Variants in RXFP4 observed in about 807,000 individuals in gnomAD.
RXFP4 encodes the protein relaxin family peptide/INSL5 receptor 4, also known as relaxin-3 receptor 2.
For synonymous variants in RXFP4, 182 were observed against 218.0 expected (o/e 0.83, Z 1.45); for missense variants, 425 against 491.3 (o/e 0.87, Z 1.28).
Position 155,941,933 on chromosome 1 carries a change from C to T in RXFP4, c.224C>T (p.Pro75Leu), listed in dbSNP as rs1305105604. 6.2e-7 allele frequency: 1 copy of T among 1,614,228 alleles called. No homozygotes were observed. Among genetic ancestry groups the T allele is most frequent in the Non-Finnish European group, 8.5e-7 (1 of 1,180,046 alleles). The change falls in exon 1 of 1, where the codon CCT (proline) becomes CTT (leucine). Residue 75 changes from proline to leucine, a missense_variant. By Grantham distance (98) the Pro-to-Leu change is moderately conservative (BLOSUM62 -3). Coordinates refer to ENST00000368318, the MANE Select transcript of RXFP4 (RefSeq NM_181885.3). ...SNCARRAPGP[P>L]SDTFVFNLAL... ...TGTGCCCGGAGAGCCCCTGGCCCAC[C>T]TTCAGACACCTTCGTCTTCAACCTG...
chr1:155,942,766 G>A lies in RXFP4; in HGVS notation c.1057G>A (p.Ala353Thr), dbSNP rs761985012. 1.3e-5 allele frequency: 20 copies of A among 1,579,800 alleles called. No homozygotes were observed. The highest frequency in any genetic ancestry group is 1.7e-4 in the Middle Eastern group (1 of 5,964). The change falls in exon 1 of 1, where the codon GCA (alanine) becomes ACA (threonine). Residue 353 changes from alanine to threonine, a missense_variant. By Grantham distance (58) the Ala-to-Thr change is moderately conservative. Coordinates refer to ENST00000368318, the MANE Select transcript of RXFP4 (RefSeq NM_181885.3). This position sits in a 1 kb window ranked among gnomAD's most constrained non-coding sequence, Gnocchi z 5.2. ...ALKQVGRRWVASNPRESRPST... is the reference protein window; with the variant it reads ...ALKQVGRRWVTSNPRESRPST... ...AAAGCAGGTAGGCAGGCGGTGGGTC[G>A]CAAGCAACCCCCGGGAGAGCCGCCC...
At position 155,942,788 on chromosome 1, in the gene RXFP4, G is replaced by GC; in HGVS notation, c.1082dup (p.Ser362PhefsTer19). The stretch of plus-strand genomic sequence containing the variant: ...GTCGCAAGCAACCCCCGGGAGAGCC[G>GC]CCCTTCTACCCTGCTCACCAACCTG... On this transcript the variant is annotated frameshift_variant, in exon 1 of 1. Coordinates refer to ENST00000368318, the MANE Select transcript of RXFP4 (RefSeq NM_181885.3). LOFTEE classifies it low-confidence loss of function (END_TRUNC). The surrounding 1 kb of genome is among the most constrained non-coding windows in gnomAD (Gnocchi z 5.2). The GC allele has an allele frequency of 6.4e-7, 1 of 1,558,896 alleles. No individual in the cohort carries two copies. Among genetic ancestry groups the GC allele is most frequent in the Non-Finnish European group, 8.6e-7 (1 of 1,157,970 alleles).
In RXFP4 at chr1:155,942,670, G is replaced by A; in HGVS notation, c.961G>A (p.Ala321Thr). ...GAGGCGGGAGCCCCGGCAGGCTCTG[G>A]CAGGCACCTTCAGGGATCTGCGGTT... Reference protein sequence around the residue: ...LLRREPRQALAGTFRDLRLRL... With the variant: ...LLRREPRQALTGTFRDLRLRL... The change falls in exon 1 of 1, where the codon GCA (alanine) becomes ACA (threonine). Residue 321 changes from alanine to threonine, a missense_variant. Physicochemically the swap from Ala to Thr is moderately conservative, Grantham distance 58. Transcript: ENST00000368318. This position sits in a 1 kb window ranked among gnomAD's most constrained non-coding sequence, Gnocchi z 5.2. 6.2e-7 allele frequency: 1 copy of A among 1,613,574 alleles called. No individual in the cohort carries two copies. Among genetic ancestry groups the A allele is most frequent in the Non-Finnish European group, 8.5e-7 (1 of 1,179,932 alleles).
Position 155,942,429 on chromosome 1 carries a change from C to T in RXFP4, c.720C>T (p.Asp240=), listed in dbSNP as rs1279643036. 1.3e-6 allele frequency: 2 copies of T among 1,565,636 alleles called. No homozygotes were observed. Among genetic ancestry groups the T allele is most frequent in the African/African-American group, 2.7e-5 (2 of 73,966 alleles). Residue 240 remains aspartate (D), a synonymous_variant, in exon 1 of 1, where the codon GAC becomes GAT. Coordinates refer to ENST00000368318, the MANE Select transcript of RXFP4 (RefSeq NM_181885.3). This position sits in a 1 kb window ranked among gnomAD's most constrained non-coding sequence, Gnocchi z 5.2. ...FLQRRQRRRQ[D]SRVVARSVRI... ...AGCGGCGGCAACGGCGGCGGCAGGA[C>T]AGCAGGGTCGTGGCCCGCTCTGTCC...
Position 155,941,899 on chromosome 1 carries a change from CTGAG to C in RXFP4, c.192_195del (p.Ser65ThrfsTer53), listed in dbSNP as rs1674317823. 2.5e-6 allele frequency: 4 copies of C among 1,614,204 alleles called. No individual in the cohort carries two copies. Among genetic ancestry groups the C allele is most frequent in the Non-Finnish European group, 2.5e-6 (3 of 1,180,038 alleles). On this transcript the variant is annotated frameshift_variant, in exon 1 of 1. Transcript: ENST00000368318. LOFTEE classifies it low-confidence loss of function (END_TRUNC). ...GGGAAATTTGGCGGTGCTGTGGGTA[CTGAG>C]TAACTGTGCCCGGAGAGCCCCTGGC...
At position 155,941,949 on chromosome 1, in the gene RXFP4, C is replaced by T. The variant is rs753077853; in HGVS notation, c.240C>T (p.Val80=). Reference sequence around the variant, plus strand: ...CTGGCCCACCTTCAGACACCTTCGTCTTCAACCTGGCTCTGGCGGACCTGG... The same window carrying T: ...CTGGCCCACCTTCAGACACCTTCGTTTTCAACCTGGCTCTGGCGGACCTGG... The part of the protein sequence containing the change: ...RAPGPPSDTF[V]FNLALADLGL... Residue 80 remains valine (V), a synonymous_variant, in exon 1 of 1, where the codon GTC becomes GTT. Coordinates refer to ENST00000368318, the MANE Select transcript of RXFP4 (RefSeq NM_181885.3). 7.4e-6 allele frequency: 12 copies of T among 1,614,120 alleles called. No individual in the cohort carries two copies. The highest frequency in any genetic ancestry group is 1.0e-5 in the Non-Finnish European group (12 of 1,180,060).
Position 155,942,252 on chromosome 1 carries a change from G to A in RXFP4, c.543G>A (p.Val181=), listed in dbSNP as rs766880260. The part of the protein sequence containing the change: ...LVTVPTAVFG[V]EGEVCGVRLC... ...CGGTGCCCACAGCTGTCTTCGGGGT[G>A]GAGGGTGAGGTGTGTGGTGTGCGCC... The change falls in exon 1 of 1, where the codon GTG becomes GTA. Residue 181 remains valine (V), a synonymous_variant. Coordinates refer to ENST00000368318, the MANE Select transcript of RXFP4 (RefSeq NM_181885.3). The surrounding 1 kb of genome is among the most constrained non-coding windows in gnomAD (Gnocchi z 5.2). 7 of 1,613,308 alleles carry A rather than the reference G, an allele frequency of 4.3e-6. No homozygotes were observed. Among genetic ancestry groups the A allele is most frequent in the Non-Finnish European group, 5.9e-6 (7 of 1,179,786 alleles).
rs202144379 is a variant in RXFP4, at chr1:155,941,831, T to C, written c.122T>C (p.Met41Thr). ...MPVKFLALRLMVALAYGLVGA... is the reference protein window; with the variant it reads ...MPVKFLALRLTVALAYGLVGA... ...GTCAAATTCCTAGCCCTGAGGCTCA[T>C]GGTTGCCCTGGCCTATGGGCTTGTG... is the stretch of plus-strand genomic sequence containing the variant. The change falls in exon 1 of 1, where the codon ATG (methionine) becomes ACG (threonine). Residue 41 changes from methionine (M) to threonine (T), a missense_variant. By Grantham distance (81) the Met-to-Thr change is moderately conservative. Transcript: ENST00000368318. 221 of 1,614,248 alleles carry C rather than the reference T, an allele frequency of 1.4e-4. 2 individuals are homozygous for C. In the East Asian group the frequency reaches 4.6e-3, roughly 34 times the overall value.
chr1:155,942,762 G>A lies in RXFP4; in HGVS notation c.1053G>A (p.Trp351Ter). 1 of 1,583,410 alleles carries A rather than the reference G, an allele frequency of 6.3e-7. No homozygotes were observed. The highest frequency in any genetic ancestry group is 8.5e-7 in the Non-Finnish European group (1 of 1,169,706). ...CCCTAAAGCAGGTAGGCAGGCGGTG[G>A]GTCGCAAGCAACCCCCGGGAGAGCC... ...QVALKQVGRR[W>*]VASNPRESRP... is the part of the protein sequence containing the mutation. Residue 351 changes from tryptophan (W) to a stop codon, truncating the protein, a stop_gained, in exon 1 of 1, where the codon TGG becomes TGA. Transcript: ENST00000368318. LOFTEE classifies it low-confidence loss of function (END_TRUNC). The surrounding 1 kb of genome is among the most constrained non-coding windows in gnomAD (Gnocchi z 5.2).
At position 155,942,693 on chromosome 1, in the gene RXFP4, G is replaced by A; in HGVS notation, c.984G>A (p.Arg328=). The A allele has an allele frequency of 1.2e-6, 2 of 1,612,340 alleles. No individual in the cohort carries two copies. Among genetic ancestry groups the A allele is most frequent in the Non-Finnish European group, 1.7e-6 (2 of 1,179,864 alleles). The change falls in exon 1 of 1, where the codon CGG becomes CGA. Residue 328 remains arginine, a synonymous_variant. Coordinates refer to ENST00000368318, the MANE Select transcript of RXFP4 (RefSeq NM_181885.3). This position sits in a 1 kb window ranked among gnomAD's most constrained non-coding sequence, Gnocchi z 5.2. ...TGGCAGGCACCTTCAGGGATCTGCG[G>A]TTGAGGCTGTGGCCCCAGGGCGGAG... is the stretch of plus-strand genomic sequence containing the variant. ...QALAGTFRDL[R]LRLWPQGGGW... is the part of the protein sequence containing the mutation.
At position 155,942,197 on chromosome 1, in the gene RXFP4, T is replaced by C; in HGVS notation, c.488T>C (p.Leu163Pro). ...CTCTTCTGGGCCCGAATAGCCACCC[T>C]GGCAGTGTGGGCGGCGGCTGCCCTG... Reference protein sequence around the residue: ...LSLFWARIATLAVWAAAALVT... With the variant: ...LSLFWARIATPAVWAAAALVT... The change falls in exon 1 of 1, where the codon CTG becomes CCG. Residue 163 changes from leucine to proline, a missense_variant. Physicochemically the swap from Leu to Pro is moderately conservative, Grantham distance 98. Transcript: ENST00000368318. The surrounding 1 kb of genome is among the most constrained non-coding windows in gnomAD (Gnocchi z 5.2). 6.2e-7 allele frequency: 1 copy of C among 1,614,000 alleles called. No individual in the cohort carries two copies. The highest frequency in any genetic ancestry group is 8.5e-7 in the Non-Finnish European group (1 of 1,180,022).
Position 155,942,840 on chromosome 1 carries a change from G to T in RXFP4, c.*6G>T. 6.7e-7 allele frequency: 1 copy of T among 1,503,186 alleles called. No homozygotes were observed. The highest frequency in any genetic ancestry group is 8.8e-7 in the Non-Finnish European group (1 of 1,132,750). 93.1% of individuals were successfully genotyped at this position (1,503,186 alleles called of 1,614,324 possible). A position where few individuals can be genotyped will look rare whatever the true frequency, so the allele number is the denominator to read the frequency against. ...ACAGAGGGACACCCGGGTGAAGGGC[G>T]CAAGCTGAACACACTCCTCTTTCTG... is the stretch of plus-strand genomic sequence containing the variant. On this transcript the variant is annotated 3_prime_UTR_variant, in exon 1 of 1. Transcript: ENST00000368318. This position sits in a 1 kb window ranked among gnomAD's most constrained non-coding sequence, Gnocchi z 5.2.
Position 155,942,814 on chromosome 1 carries a change from G to A in RXFP4, c.1105G>A (p.Asp369Asn). Residue 369 changes from aspartate (D) to asparagine (N), a missense_variant, in exon 1 of 1, where the codon GAC becomes AAC. By Grantham distance (23) the Asp-to-Asn change is conservative. Transcript: ENST00000368318. This position sits in a 1 kb window ranked among gnomAD's most constrained non-coding sequence, Gnocchi z 5.2. ...CCCTTCTACCCTGCTCACCAACCTG[G>A]ACAGAGGGACACCCGGGTGAAGGGC... ...SRPSTLLTNL[D>N]RGTPG 6.6e-7 allele frequency: 1 copy of A among 1,517,460 alleles called. No homozygotes were observed. The highest frequency in any genetic ancestry group is 8.8e-7 in the Non-Finnish European group (1 of 1,139,280). The allele number at this position is 1,517,460 out of a possible 1,614,324, so 94.0% of individuals were successfully genotyped here.
rs1482300799 is a variant in RXFP4 at position 155,941,892 on chromosome 1, G to A, written c.183G>A (p.Leu61=). 6.2e-7 allele frequency: 1 copy of A among 1,614,236 alleles called. No individual in the cohort carries two copies. Among genetic ancestry groups the A allele is most frequent in the South Asian group, 1.1e-5 (1 of 91,088 alleles). Residue 61 remains leucine, a synonymous_variant, in exon 1 of 1, where the codon CTG becomes CTA. Transcript: ENST00000368318. ...AIGLLGNLAV[L]WVLSNCARRA... is the part of the protein sequence containing the mutation. ...GCTTGCTGGGAAATTTGGCGGTGCT[G>A]TGGGTACTGAGTAACTGTGCCCGGA...
Position 155,942,684 on chromosome 1 carries a change from G to C in RXFP4, c.975G>C (p.Arg325Ser), listed in dbSNP as rs1445664906. ...EPRQALAGTF[R>S]DLRLRLWPQG... Reference sequence around the variant, plus strand: ...GGCAGGCTCTGGCAGGCACCTTCAGGGATCTGCGGTTGAGGCTGTGGCCCC... The same window carrying C: ...GGCAGGCTCTGGCAGGCACCTTCAGCGATCTGCGGTTGAGGCTGTGGCCCC... The change falls in exon 1 of 1, where the codon AGG (arginine) becomes AGC (serine). Residue 325 changes from arginine to serine, a missense_variant. Physicochemically the swap from Arg to Ser is moderately radical, Grantham distance 110. Transcript: ENST00000368318. This position sits in a 1 kb window ranked among gnomAD's most constrained non-coding sequence, Gnocchi z 5.2. The C allele has an allele frequency of 6.2e-7, 1 of 1,612,988 alleles. No individual in the cohort carries two copies. The highest frequency in any genetic ancestry group is 2.2e-5 in the East Asian group (1 of 44,888).
At position 155,942,012 on chromosome 1, in the gene RXFP4, G is replaced by A. The variant is rs756372124; in HGVS notation, c.303G>A (p.Ser101=). 1.2e-5 allele frequency: 19 copies of A among 1,612,944 alleles called. No homozygotes were observed. The highest frequency in any genetic ancestry group is 8.9e-5 in the East Asian group (4 of 44,884). ...ALTLPFWAAE[S]ALDFHWPFGG... ...CTCTCCCCTTTTGGGCAGCCGAGTC[G>A]GCACTGGACTTTCACTGGCCCTTCG... The change falls in exon 1 of 1, where the codon TCG becomes TCA. Residue 101 remains serine (S), a synonymous_variant. Coordinates refer to ENST00000368318, the MANE Select transcript of RXFP4 (RefSeq NM_181885.3). The surrounding 1 kb of genome is among the most constrained non-coding windows in gnomAD (Gnocchi z 5.2).
At position 155,942,813 on chromosome 1, in the gene RXFP4, G is replaced by A; in HGVS notation, c.1104G>A (p.Leu368=). The A allele has an allele frequency of 6.6e-7, 1 of 1,517,210 alleles. No homozygotes were observed. Among genetic ancestry groups the A allele is most frequent in the Non-Finnish European group, 8.8e-7 (1 of 1,139,164 alleles). 94.0% of individuals were successfully genotyped at this position (1,517,210 alleles called of 1,614,324 possible). A position where few individuals can be genotyped will look rare whatever the true frequency, so the allele number is the denominator to read the frequency against. Residue 368 remains leucine, a synonymous_variant, in exon 1 of 1, where the codon CTG becomes CTA. Coordinates refer to ENST00000368318, the MANE Select transcript of RXFP4 (RefSeq NM_181885.3). The surrounding 1 kb of genome is among the most constrained non-coding windows in gnomAD (Gnocchi z 5.2). ...ESRPSTLLTN[L]DRGTPG is the part of the protein sequence containing the mutation. The stretch of plus-strand genomic sequence containing the variant: ...GCCCTTCTACCCTGCTCACCAACCT[G>A]GACAGAGGGACACCCGGGTGAAGGG...
chr1:155,942,309 G>A lies in RXFP4; in HGVS notation c.600G>A (p.Trp200Ter). Reference protein sequence around the residue: ...LCLLRFPSRYWLGAYQLQRVV... With the variant: ...LCLLRFPSRY ...TGCTGCGTTTCCCCAGCAGGTACTG[G>A]CTGGGGGCCTACCAGCTGCAGAGGG... The change falls in exon 1 of 1, where the codon TGG (tryptophan) becomes TGA (stop). Residue 200 changes from tryptophan (W) to a stop codon, truncating the protein, a stop_gained. Transcript: ENST00000368318. LOFTEE classifies it low-confidence loss of function (END_TRUNC). The surrounding 1 kb of genome is among the most constrained non-coding windows in gnomAD (Gnocchi z 5.2). 6.3e-7 allele frequency: 1 copy of A among 1,586,744 alleles called. No individual in the cohort carries two copies. Among genetic ancestry groups the A allele is most frequent in the Non-Finnish European group, 8.6e-7 (1 of 1,163,048 alleles).
At position 155,942,925 on chromosome 1, in the gene RXFP4, G is replaced by A. The variant is rs1401705719; in HGVS notation, c.*91G>A. 7.0e-6 allele frequency: 9 copies of A among 1,279,248 alleles called. No homozygotes were observed. The highest frequency in any genetic ancestry group is 8.3e-6 in the Non-Finnish European group (8 of 963,020). The allele number at this position is 1,279,248 out of a possible 1,614,324, so 79.2% of individuals were successfully genotyped here. A position where few individuals can be genotyped will look rare whatever the true frequency, so the allele number is the denominator to read the frequency against. On this transcript the variant is annotated 3_prime_UTR_variant, in exon 1 of 1. Transcript: ENST00000368318. The surrounding 1 kb of genome is among the most constrained non-coding windows in gnomAD (Gnocchi z 5.2). ...GAGAAGCTGCCCTCTCTGCCAGGCT[G>A]CAGTGCCCTCAGGGAAAAGTCTGAT...
Sources: gnomAD v4.1 joint callset for allele counts on GRCh38, gnomAD v4.1.1 for gene constraint, Gnocchi (gnomAD v3.1) non-coding constraint, MANE v1.5 for transcripts, NCBI Gene and HGNC (gene_info 2026-07-23, HGNC 2026-07-21) for gene names.